TPCN2: variants seen among roughly 807,000 people sequenced by gnomAD.
TPCN2 encodes the protein two pore segment channel 2, also known as two pore channel protein 2.
Under a neutral mutation model 111.4 loss-of-function variants are expected in TPCN2, and 92 were observed. The observed-to-expected ratio is 0.83, with a 90% CI of 0.70 to 0.98. The LOEUF is 0.98. Ranked by LOEUF, TPCN2 falls within the 50% of genes least tolerant of loss-of-function variation. TPCN2 has a pLI of 0.00. For missense variants in TPCN2, 995 were observed against 980.1 expected (o/e 1.02, Z -0.20); for synonymous variants, 405 against 414.5 (o/e 0.98, Z 0.28).
At chr11:69,055,376 A>T (rs1272681976) in intron 4 of TPCN2, 24 bp downstream of exon 4, 1 of 1,583,652 alleles carries the variant, frequency 6.3e-7, no homozygotes, top group African/African-American at 1.4e-5. Context: ...CAGGCCCTCT[A>T]CGTGCTGCCC....
chr11:69,081,449 C>T lies in TPCN2; in HGVS notation c.1639C>T (p.Leu547=). The part of the protein sequence containing the change: ...LLSLWDMTRM[L]NMLIVFRFLR... ...GTCGCTGTGGGACATGACCCGCATG[C>T]TGAACATGCTCATCGTGTTCCGCTT... is the stretch of plus-strand genomic sequence containing the variant. Residue 547 remains leucine (L), a synonymous_variant, in exon 18 of 25, where the codon CTG becomes TTG. Transcript: ENST00000294309. 1 of 1,575,830 alleles carries T rather than the reference C, an allele frequency of 6.3e-7. No individual in the cohort carries two copies. Among genetic ancestry groups the T allele is most frequent in the Non-Finnish European group, 8.6e-7 (1 of 1,160,570 alleles).
At chr11:69,055,137 C>T (rs765535152) in intron 3 of TPCN2, 38 bp from the exon 4 acceptor site, 10 of 1,602,678 alleles carry the variant, frequency 6.2e-6, no homozygotes, top group Non-Finnish European at 8.5e-6. Context: ...CTGAGGGCTG[C>T]TGGCTCCTGT....
At chr11:69,080,321 C>T (rs930672110) in intron 17 of TPCN2, among the ~76,000 whole-genome samples, 2 of 152,246 alleles carry the variant, frequency 1.3e-5, no homozygotes, top group Non-Finnish European at 2.9e-5. Context: ...GTCATCGCCT[C>T]CCACTCTGGA....
At chr11:69,067,456 G>A (rs763269415) in intron 7 of TPCN2, 47 bp from the exon 8 acceptor site, 3 of 1,552,768 alleles carry the variant, frequency 1.9e-6, no homozygotes, top group Middle Eastern at 1.7e-4. Context: ...CTCAGCCTGT[G>A]GGGTGGGGAC....
chr11:69,057,730 A>G, intron 5 of TPCN2, 36 bp downstream of exon 5: 1 of 1,598,442 alleles, frequency 6.3e-7, no homozygotes, highest in Non-Finnish European at 8.6e-7. Context: ...AGATGGAGAG[A>G]TCTGGGGCTG....
intron 7 of TPCN2, among the ~76,000 whole-genome samples, chr11:69,064,440 A>G (rs1461074798): frequency 2.6e-5 from 4 of 151,784 alleles, no homozygotes; most frequent in African/African-American, 9.7e-5. Context: ...GCGCTGGCCT[A>G]CTGGGAGGGC....
At chr11:69,075,691 C>T (rs1240436223) in intron 13 of TPCN2, among the ~76,000 whole-genome samples, 2 of 152,204 alleles carry the variant, frequency 1.3e-5, no homozygotes, top group African/African-American at 4.8e-5. Context: ...TTTCGAGAGC[C>T]CTCCCGTGTG....
chr11:69,058,771 C>G (rs745442492), intron 5 of TPCN2, among the ~76,000 whole-genome samples: 24 of 152,242 alleles, frequency 1.6e-4, no homozygotes, highest in Admixed American at 6.5e-5. Context: ...GGCAGCTTCC[C>G]GCAGCCTCCT....
In TPCN2 at chr11:69,048,943, G is replaced by A. The variant is rs559174246; in HGVS notation, c.-55G>A. Reference sequence around the variant, plus strand: ...GTCTCCGCGCCTGCGCAGTGAAGCTGGGCGCCTTCGGGGCTTGAGCTTCTG... The same window carrying A: ...GTCTCCGCGCCTGCGCAGTGAAGCTAGGCGCCTTCGGGGCTTGAGCTTCTG... On this transcript the variant is annotated 5_prime_UTR_variant, in exon 1 of 25. Coordinates refer to ENST00000294309, the MANE Select transcript of TPCN2 (RefSeq NM_139075.4). 8.7e-6 allele frequency: 10 copies of A among 1,147,042 alleles called. No individual in the cohort carries two copies. The African/African-American group carries it at 1.3e-4, about 15-fold the overall frequency. The allele number at this position is 1,147,042 out of a possible 1,614,324, so 71.1% of individuals were successfully genotyped here. A position where few individuals can be genotyped will look rare whatever the true frequency, so the allele number is the denominator to read the frequency against.
In TPCN2 at chr11:69,062,854, G is replaced by T. The variant is rs757553062; in HGVS notation, c.547-30G>T. 5.0e-6 allele frequency: 8 copies of T among 1,600,880 alleles called. No individual in the cohort carries two copies. In the Admixed American group the frequency reaches 1.0e-4, roughly 20 times the overall value. On this transcript the variant is annotated intron_variant, in intron 5 of 24. Transcript: ENST00000294309. The stretch of plus-strand genomic sequence containing the variant: ...TGAGGGGTAGAACTAAGCACTTGAC[G>T]TGGTCCTCAGTTTCCTGGGTCTCTT...
At chr11:69,074,652 T>C (rs975199048) in intron 13 of TPCN2, among the ~76,000 whole-genome samples, 1 of 152,196 alleles carries the variant, frequency 6.6e-6, no homozygotes, top group African/African-American at 2.4e-5. Context: ...GACGGACACC[T>C]TGGCCAAGAG....
At chr11:69,050,069 C>G (rs560224810) in intron 1 of TPCN2, among the ~76,000 whole-genome samples, 2 of 152,316 alleles carry the variant, frequency 1.3e-5, no homozygotes, top group South Asian at 2.1e-4. Flanking sequence ...TGGTGCCCAC[C>G]CACTGGTCTG....
chr11:69,081,495 T>G lies in TPCN2; in HGVS notation c.1685T>G (p.Met562Arg), dbSNP rs1364582980. Reference sequence around the variant, plus strand: ...CGCTTCCTGCGTATCATCCCCAGCATGAAGGTGTGTGCCGGCCCCACCCCC... The same window carrying G: ...CGCTTCCTGCGTATCATCCCCAGCAGGAAGGTGTGTGCCGGCCCCACCCCC... ...VFRFLRIIPS[M>R]KLMAVVASTV... Residue 562 changes from methionine (M) to arginine (R), a missense_variant, in exon 18 of 25, where the codon ATG becomes AGG. Met to Arg is a moderately conservative substitution (Grantham distance 91). Transcript: ENST00000294309. The G allele has an allele frequency of 3.2e-6, 5 of 1,560,206 alleles. No individual in the cohort carries two copies. Among genetic ancestry groups the G allele is most frequent in the Non-Finnish European group, 4.3e-6 (5 of 1,151,842 alleles).
Position 69,085,288 on chromosome 11 carries a change from TGAGGTGGGGTCC to T in TPCN2, c.1838+9_1838+20del. 4 of 1,596,120 alleles carry T rather than the reference TGAGGTGGGGTCC, an allele frequency of 2.5e-6. No individual in the cohort carries two copies. Among genetic ancestry groups the T allele is most frequent in the Non-Finnish European group, 3.4e-6 (4 of 1,170,644 alleles). ...TGTGGCTCTTCCTGGAAACAGCAGG[TGAGGTGGGGTCC>T]GAGGTGCCACAGGGAGTGTCTCAGG... On this transcript the variant is annotated splice_donor_5th_base_variant and intron_variant, in intron 20 of 24. Coordinates refer to ENST00000294309, the MANE Select transcript of TPCN2 (RefSeq NM_139075.4).
At position 69,057,702 on chromosome 11, in the gene TPCN2, G is replaced by A; in HGVS notation, c.546+8G>A. 1.2e-6 allele frequency: 2 copies of A among 1,613,000 alleles called. No individual in the cohort carries two copies. Among genetic ancestry groups the A allele is most frequent in the Middle Eastern group, 1.6e-4 (1 of 6,062 alleles). ...AGTCTCGTGTGTCATGAGGTAGGTGGTGAGGCAGCCCTGAGACAGATGGAG... is the reference window on the plus strand; with the variant it reads ...AGTCTCGTGTGTCATGAGGTAGGTGATGAGGCAGCCCTGAGACAGATGGAG... On this transcript the variant is annotated splice_region_variant and intron_variant, in intron 5 of 24. Coordinates refer to ENST00000294309, the MANE Select transcript of TPCN2 (RefSeq NM_139075.4).
At position 69,071,340 on chromosome 11, in the gene TPCN2, C is replaced by T. The variant is rs751788335; in HGVS notation, c.896-16C>T. ...GTACTGGTGGCGCCCCTGACCGTGG[C>T]TGTCTCCTCTTGAAGGAAGCCTGTT... On this transcript the variant is annotated splice_polypyrimidine_tract_variant and intron_variant, in intron 9 of 24. Transcript: ENST00000294309. 4.3e-6 allele frequency: 7 copies of T among 1,612,380 alleles called. No individual in the cohort carries two copies. Among genetic ancestry groups the T allele is most frequent in the African/African-American group, 1.3e-5 (1 of 74,924 alleles).
intron 2 of TPCN2, 145 bp downstream of exon 2, chr11:69,054,242 G>T (rs562598080): frequency 3.0e-6 from 2 of 668,272 alleles, no homozygotes; most frequent in South Asian, 3.5e-5. Flanking sequence ...CTCTGGGCAC[G>T]GCTCTTCGTC....
chr11:69,063,829 C>A, intron 6 of TPCN2, 66 bp from the exon 7 acceptor site: 1 of 1,520,726 alleles, frequency 6.6e-7, no homozygotes, highest in Non-Finnish European at 9.0e-7. Context: ...CCGAGCCCTG[C>A]AGGCAGGTCA....
At chr11:69,050,955 C>T (rs1565077275) in intron 1 of TPCN2, among the ~76,000 whole-genome samples, 1 of 152,228 alleles carries the variant, frequency 6.6e-6, no homozygotes, top group Non-Finnish European at 1.5e-5. Context: ...CTTCTGAGAA[C>T]GTGGACAGGA....
Sources: allele counts gnomAD v4.1 joint callset (sites outside exome capture counted in the v4.1 genomes callset), GRCh38; gene constraint gnomAD v4.1.1; transcripts MANE v1.5; gene names NCBI Gene and HGNC (gene_info 2026-07-23, HGNC 2026-07-21).